Variants in TRIM50 observed in about 807,000 individuals in gnomAD.
TRIM50 encodes E3 ubiquitin-protein ligase TRIM50.
In TRIM50, 34 loss-of-function variants were observed where a neutral mutation model predicts 44.9. The ratio of observed to expected loss-of-function variants is 0.76; its 90% CI spans 0.58 to 1.01. TRIM50 has a LOEUF of 1.01. Ranked by LOEUF, TRIM50 falls within the 50% of genes least tolerant of loss-of-function variation. The probability of loss-of-function intolerance (pLI) is 0.00; values close to 1 mark genes in which losing one functional copy is unlikely to be tolerated. For missense variants in TRIM50, 633 were observed against 663.7 expected (o/e 0.95, Z 0.51); for synonymous variants, 307 against 291.1 (o/e 1.05, Z -0.56).
At position 73,312,913 on chromosome 7, in the gene TRIM50, G is replaced by C. The variant is rs375139898; in HGVS notation, c.*8C>G. 8 of 1,523,054 alleles carry C rather than the reference G, an allele frequency of 5.3e-6. No individual in the cohort carries two copies. Among genetic ancestry groups the C allele is most frequent in the Non-Finnish European group, 7.0e-6 (8 of 1,135,316 alleles). The allele number at this position is 1,523,054 out of a possible 1,614,324, so 94.3% of individuals were successfully genotyped here. ...TGGGCCTGTGGGCCGGCAGGACTCC[G>C]GGCGGCCCTACAGCTTGGTGGGCTG... On this transcript the variant is annotated 3_prime_UTR_variant, in exon 7 of 7. Transcript: ENST00000333149.
At chr7:73,321,168 A>AT (rs201283236) in intron 2 of TRIM50, among the ~76,000 whole-genome samples, 8 of 151,848 alleles carry the variant, frequency 5.3e-5, no homozygotes, top group Non-Finnish European at 7.4e-5. Flanking sequence ...CCCATCTCTA[A>AT]TTTTTTTTTA....
At chr7:73,324,850 C>A (rs1804587915) in intron 1 of TRIM50, 45 bp from the exon 2 acceptor site, 1 of 1,608,326 alleles carries the variant, frequency 6.2e-7, no homozygotes, top group Non-Finnish European at 8.5e-7. Context: ...CTCCCCTCCC[C>A]CTGTCCAGCA....
chr7:73,318,344 C>T (rs1470546130), intron 5 of TRIM50, among the ~76,000 whole-genome samples: 1 of 152,102 alleles, frequency 6.6e-6, no homozygotes, highest in Admixed American at 6.6e-5. Context: ...ACTACATTGG[C>T]CAGGCTGGTC....
In TRIM50 at chr7:73,328,026, C is replaced by T. The variant is rs765678713; in HGVS notation, c.-145G>A. 3.0e-6 allele frequency: 2 copies of T among 671,278 alleles called. No individual in the cohort carries two copies. Among genetic ancestry groups the T allele is most frequent in the South Asian group, 1.8e-5 (1 of 54,506 alleles). 41.6% of individuals were successfully genotyped at this position (671,278 alleles called of 1,614,324 possible). ...CCCACGTCCGTGCCTCATCATGACC[C>T]GCACGCTATGGTTACATGCCCCGCC... On this transcript the variant is annotated 5_prime_UTR_variant, in exon 1 of 7. Coordinates refer to ENST00000333149, the MANE Select transcript of TRIM50 (RefSeq NM_178125.3).
rs1207454702 is a variant in TRIM50 at position 73,312,906 on chromosome 7, G to A, written c.*15C>T. 2 of 1,512,222 alleles carry A rather than the reference G, an allele frequency of 1.3e-6. No homozygotes were observed. The highest frequency in any genetic ancestry group is 1.4e-5 in the African/African-American group (1 of 71,814). 93.7% of individuals were successfully genotyped at this position (1,512,222 alleles called of 1,614,324 possible). A position where few individuals can be genotyped will look rare whatever the true frequency, so the allele number is the denominator to read the frequency against. ...GCCGGGATGGGCCTGTGGGCCGGCA[G>A]GACTCCGGGCGGCCCTACAGCTTGG... On this transcript the variant is annotated 3_prime_UTR_variant, in exon 7 of 7. Transcript: ENST00000333149.
chr7:73,313,163 C>T lies in TRIM50; in HGVS notation c.1222G>A (p.Ala408Thr). The change falls in exon 7 of 7, where the codon GCC becomes ACC. Residue 408 changes from alanine to threonine, a missense_variant. Transcript: ENST00000333149. This position sits in a 1 kb window ranked among gnomAD's most constrained non-coding sequence, Gnocchi z 4.9. Reference sequence around the variant, plus strand: ...AGCCCGATGCGGTGGGGGTGGCCGGCCACGGGCAGGGGTACCCGGGGGCAG... The same window carrying T: ...AGCCCGATGCGGTGGGGGTGGCCGGTCACGGGCAGGGGTACCCGGGGGCAG... ...FACPRVPLPV[A>T]GHPHRIGLYL... 1 of 1,588,354 alleles carries T rather than the reference C, an allele frequency of 6.3e-7. No homozygotes were observed.
Position 73,319,009 on chromosome 7 carries a change from T to C in TRIM50, c.539A>G (p.Gln180Arg). Residue 180 changes from glutamine (Q) to arginine (R), a missense_variant, in exon 4 of 7, where the codon CAG becomes CGG. Physicochemically the swap from Gln to Arg is conservative, Grantham distance 43 (BLOSUM62 1). Coordinates refer to ENST00000333149, the MANE Select transcript of TRIM50 (RefSeq NM_178125.3). The stretch of plus-strand genomic sequence containing the variant: ...CTCATCCACCAGGTGGTGCAGCTCC[T>C]GGAACTCGCGGCGGATCACCCAGCT... ...VFSWVIRREF[Q>R]ELHHLVDEEK... The C allele has an allele frequency of 1.2e-6, 2 of 1,614,006 alleles. No homozygotes were observed. The highest frequency in any genetic ancestry group is 2.2e-5 in the East Asian group (1 of 44,884).
chr7:73,317,894 C>T (rs558493459), intron 5 of TRIM50, among the ~76,000 whole-genome samples: 13 of 152,276 alleles, frequency 8.5e-5, no homozygotes, highest in East Asian at 7.7e-4. Flanking sequence ...AAGGGATGCC[C>T]GGTGCTCCTG....
chr7:73,323,932 C>T (rs1297035622), intron 2 of TRIM50, among the ~76,000 whole-genome samples: 2 of 151,936 alleles, frequency 1.3e-5, no homozygotes, highest in Admixed American at 6.6e-5. Context: ...CCCAGCTGCT[C>T]GGGAGGCTGA....
At chr7:73,317,386 C>A (rs2115733700) in intron 5 of TRIM50, among the ~76,000 whole-genome samples, 1 of 102,744 alleles carries the variant, frequency 9.7e-6, no homozygotes, top group South Asian at 3.4e-4. Context: ...GAGATGGAGT[C>A]TTGCTCTGTC....
chr7:73,318,955 C>T lies in TRIM50; in HGVS notation c.593G>A (p.Gly198Glu), dbSNP rs541236446. 3 of 1,614,028 alleles carry T rather than the reference C, an allele frequency of 1.9e-6. No homozygotes were observed. The highest frequency in any genetic ancestry group is 2.2e-5 in the East Asian group (1 of 44,886). ...EEKARCLEGI[G>E]GHTRGLVASL... ...GGCCACCAGGCCACGGGTGTGACCC[C>T]CTATCCCCTCCAGGCAGCGGGCCTT... is the stretch of plus-strand genomic sequence containing the variant. Residue 198 changes from glycine to glutamate, a missense_variant, in exon 4 of 7, where the codon GGG becomes GAG. Gly to Glu is a moderately conservative substitution (Grantham distance 98). Coordinates refer to ENST00000333149, the MANE Select transcript of TRIM50 (RefSeq NM_178125.3).
intron 6 of TRIM50, among the ~76,000 whole-genome samples, chr7:73,315,943 C>A (rs1490183992): frequency 6.6e-6 from 1 of 150,596 alleles, no homozygotes; most frequent in Non-Finnish European, 1.5e-5. Flanking sequence ...TGCAATGGCA[C>A]GATATCAACT....
chr7:73,319,211 C>G (rs1554544698), intron 3 of TRIM50, among the ~76,000 whole-genome samples, 159 bp from the exon 4 acceptor site: 1 of 151,956 alleles, frequency 6.6e-6, no homozygotes, highest in African/African-American at 2.4e-5. Context: ...GAGTTCACCC[C>G]ATGCATGGGG....
At position 73,318,931 on chromosome 7, in the gene TRIM50, G is replaced by A. The variant is rs1371081136; in HGVS notation, c.617C>T (p.Ala206Val). The change falls in exon 4 of 7, where the codon GCC becomes GTC. Residue 206 changes from alanine to valine, a missense_variant. Transcript: ENST00000333149. ...GIGGHTRGLV[A>V]SLDMQLEQAQ... ...CTGCTCCAGCTGCATGTCCAGGGAG[G>A]CCACCAGGCCACGGGTGTGACCCCC... is the stretch of plus-strand genomic sequence containing the variant. The A allele has an allele frequency of 1.9e-6, 3 of 1,613,870 alleles. No individual in the cohort carries two copies. Among genetic ancestry groups the A allele is most frequent in the African/African-American group, 1.3e-5 (1 of 74,930 alleles).
At chr7:73,324,276 TGCAGGGAAATCGA>T in intron 2 of TRIM50, 100 bp downstream of exon 2, 1 of 1,564,054 alleles carries the variant, frequency 6.4e-7, no homozygotes. Flanking sequence ...AGGGCACAGC[TGCAGGGAAATCGA>T]GGATAGCTGG....
intron 2 of TRIM50, among the ~76,000 whole-genome samples, chr7:73,322,288 G>A (rs1804514857): frequency 6.6e-6 from 1 of 152,184 alleles, no homozygotes; most frequent in South Asian, 2.1e-4. Context: ...GGCGGAGCTT[G>A]CAGTGAGCCG....
In TRIM50 at chr7:73,313,318, CCCA is replaced by C. The variant is rs781852821; in HGVS notation, c.1064_1066del (p.Val355del). On this transcript the variant is annotated inframe_deletion, in exon 7 of 7. Transcript: ENST00000333149. This position sits in a 1 kb window ranked among gnomAD's most constrained non-coding sequence, Gnocchi z 4.9. ...CCCCAGGCGCCAGTCGCTCTTGCTG[CCCA>C]CCACCACCTCCCAGTAGTGGCGGCC... is the stretch of plus-strand genomic sequence containing the variant. 107 of 1,605,928 alleles carry C rather than the reference CCCA, an allele frequency of 6.7e-5. No individual in the cohort carries two copies. The South Asian group carries it at 9.4e-4, about 14-fold the overall frequency.
intron 6 of TRIM50, chr7:73,314,891 C>T (rs1385214071): frequency 6.7e-5 from 14 of 209,876 alleles, no homozygotes; most frequent in African/African-American, 2.2e-4. Context: ...GGTGACTCCA[C>T]GCAACATGGG....
Position 73,321,536 on chromosome 7 carries a change from G to T in TRIM50, c.400-1294C>A, listed in dbSNP as rs187499338. ...GTGGGCTTGGACACAGCACGGATTT[G>T]CGACCTCCCCAAGCTGACATAAATG... On this transcript the variant is annotated intron_variant, in intron 2 of 6. Transcript: ENST00000333149. 3.0e-3 allele frequency among the ~76,000 whole-genome samples: 457 copies of T among 152,218 alleles called. 3 individuals are homozygous for T. The highest frequency in any genetic ancestry group is 0.024 in the Middle Eastern group (7 of 294).
Sources: allele counts gnomAD v4.1 joint callset (sites outside exome capture counted in the v4.1 genomes callset), GRCh38; gene constraint gnomAD v4.1.1; non-coding constraint Gnocchi (gnomAD v3.1); transcripts MANE v1.5; gene names NCBI Gene and HGNC (gene_info 2026-07-23, HGNC 2026-07-21).